MTA3: variants seen among roughly 807,000 people sequenced by gnomAD.
MTA3 encodes the protein metastasis associated 1 family member 3.
In MTA3, 34 loss-of-function variants were observed where a neutral mutation model predicts 83.5. That is an observed-to-expected ratio of 0.41 (90% CI 0.31 to 0.54). The LOEUF (loss-of-function observed/expected upper bound fraction) is 0.54, where lower values mean the gene tolerates loss of function less well. Ranked by LOEUF, MTA3 falls within the 20% of genes least tolerant of loss-of-function variation. The pLI, the probability that MTA3 is intolerant of heterozygous loss-of-function variation, is 0.33. For synonymous variants in MTA3, 303 were observed against 252.7 expected, an observed-to-expected ratio of 1.20 and a Z score of -1.89; for missense variants, 761 against 726.4, an observed-to-expected ratio of 1.05 and a Z score of -0.55.
chr2:42,662,546 T>C (rs999055447), intron 8 of MTA3, among the ~76,000 whole-genome samples: 4 of 151,802 alleles, frequency 2.6e-5, no homozygotes, highest in Non-Finnish European at 5.9e-5. Flanking sequence ...TTTAGGTTCC[T>C]AGATATACTT....
chr2:42,554,840 A>G (rs530952992), intron 2 of MTA3, among the ~76,000 whole-genome samples: 1 of 152,306 alleles, frequency 6.6e-6, no homozygotes, highest in Non-Finnish European at 1.5e-5. Context: ...AATCACTACC[A>G]GAGGATGGGT....
At chr2:42,500,645 C>T (rs1228544941) in intron 2 of MTA3, among the ~76,000 whole-genome samples, 1 of 151,976 alleles carries the variant, frequency 6.6e-6, no homozygotes, top group Non-Finnish European at 1.5e-5. Flanking sequence ...TTTTCCTCTA[C>T]CTTCCTAGGT....
At chr2:42,606,430 G>A (rs1271021270) in intron 3 of MTA3, among the ~76,000 whole-genome samples, 2 of 151,234 alleles carry the variant, frequency 1.3e-5, no homozygotes, top group Non-Finnish European at 3.0e-5. Context: ...CGGGGCGGCG[G>A]GGCAGAGGCG....
At chr2:42,684,341 A>G (rs1464317401) in intron 9 of MTA3, among the ~76,000 whole-genome samples, 2 of 152,220 alleles carry the variant, frequency 1.3e-5, no homozygotes, top group East Asian at 3.8e-4. Context: ...GAATTGTTTG[A>G]CACAAAGTTA....
At chr2:42,563,720 C>A (rs375701237), upstream of MTA3, among the ~76,000 whole-genome samples, 3 of 152,150 alleles carry the variant, frequency 2.0e-5, no homozygotes, top group Admixed American at 2.0e-4. Flanking sequence ...CCCACCTCGG[C>A]CTCCCAAAGT....
Position 42,643,620 on chromosome 2 carries a change from A to G in MTA3, c.382-507A>G, listed in dbSNP as rs531694368. 5.9e-5 allele frequency among the ~76,000 whole-genome samples: 9 copies of G among 152,360 alleles called. No individual in the cohort carries two copies. In the South Asian group the frequency reaches 1.9e-3, roughly 32 times the overall value. ...AATATTTACAAAGTGGTATTATTAT[A>G]ACAGTAAACCACATGTAAGTTCAAC... is the stretch of plus-strand genomic sequence containing the variant. On this transcript the variant is annotated intron_variant, in intron 5 of 16. Transcript: ENST00000405094.
intron 15 of MTA3, 50 bp downstream of exon 15, chr2:42,719,124 T>C (rs1667232005): frequency 7.3e-7 from 1 of 1,366,462 alleles, no homozygotes; most frequent in African/African-American, 1.4e-5. Context: ...TTCTGAATAG[T>C]ATAGATATTT....
chr2:42,567,571 C>A (rs1677973578), upstream of MTA3, among the ~76,000 whole-genome samples: 1 of 151,862 alleles, frequency 6.6e-6, no homozygotes, highest in African/African-American at 2.4e-5. Context: ...TCTGGGAGTA[C>A]TTTGGAATGG....
At chr2:42,577,105 A>AAAAAAATATATATATATATAT (rs1211189566) in intron 2 of MTA3, among the ~76,000 whole-genome samples, 1 of 86,952 alleles carries the variant, frequency 1.2e-5, no homozygotes, top group African/African-American at 5.5e-5. Context: ...AAAAAAAAAA[A>AAAAAAATATATATATATATAT]ATATATATAT....
rs72988008 is a variant in MTA3, at chr2:42,513,885, T to C, written c.-141+18631T>C. Among the ~76,000 whole-genome samples the C allele has an allele frequency of 3.6e-3, 554 of 152,292 alleles. 5 individuals are homozygous for C. Among genetic ancestry groups the C allele is most frequent in the African/African-American group, 0.013 (523 of 41,580 alleles). On this transcript the variant is annotated intron_variant, in intron 2 of 17. Coordinates refer to the MTA3 transcript ENST00000405592. ...TCCAGCAATGCTGGCCTCCCTCCACTACCTCAAATTGAGACAGACATGAGA... is the reference window on the plus strand; with the variant it reads ...TCCAGCAATGCTGGCCTCCCTCCACCACCTCAAATTGAGACAGACATGAGA...
chr2:42,726,258 G>A (rs1667808473), intron 16 of MTA3, among the ~76,000 whole-genome samples: 1 of 152,126 alleles, frequency 6.6e-6, no homozygotes, highest in Admixed American at 6.5e-5. Flanking sequence ...CTGCTGAGAT[G>A]TTTAGGCCTC....
At chr2:42,643,171 T>C (rs1224241861) in intron 5 of MTA3, among the ~76,000 whole-genome samples, 1 of 152,002 alleles carries the variant, frequency 6.6e-6, no homozygotes, top group Non-Finnish European at 1.5e-5. Flanking sequence ...CTTATCACAG[T>C]ATGTAAGAAC....
At chr2:42,545,049 G>A (rs1450014454) in intron 2 of MTA3, among the ~76,000 whole-genome samples, 1 of 152,156 alleles carries the variant, frequency 6.6e-6, no homozygotes, top group Non-Finnish European at 1.5e-5. Context: ...GGTGATGAGA[G>A]CTGCAGAAAA....
chr2:42,745,848 T>C (rs181115841), intron 16 of MTA3, among the ~76,000 whole-genome samples: 76 of 151,482 alleles, frequency 5.0e-4, no homozygotes, highest in African/African-American at 1.7e-3. Context: ...AGAGTCTCGC[T>C]CTGTCACCAG....
intron 4 of MTA3, among the ~76,000 whole-genome samples, chr2:42,620,119 CTT>C (rs765658192): frequency 1.4e-4 from 19 of 134,826 alleles, no homozygotes; most frequent in Admixed American, 2.3e-4. Flanking sequence ...CATCACACAT[CTT>C]TTTTTTTTTT....
Position 42,754,646 on chromosome 2 carries a change from G to T in MTA3, c.*1247G>T. 1 of 985,494 alleles carries T rather than the reference G, an allele frequency of 1.0e-6. No individual in the cohort carries two copies. The allele number at this position is 985,494 out of a possible 1,614,324, so 61.0% of individuals were successfully genotyped here. A position where few individuals can be genotyped will look rare whatever the true frequency, so the allele number is the denominator to read the frequency against. On this transcript the variant is annotated 3_prime_UTR_variant, in exon 17 of 17. Coordinates refer to ENST00000405094, the MANE Select transcript of MTA3 (RefSeq NM_001330442.2). ...CTCTGTTTGCAGGCACAGGGTCACA[G>T]TCCCAAGAAAGACAACTGGAGTCTG...
rs865995509 is a variant in MTA3, at chr2:42,722,518, C to T, written c.1613-371C>T. 2.0e-5 allele frequency among the ~76,000 whole-genome samples: 3 copies of T among 152,208 alleles called. No homozygotes were observed. The South Asian group carries it at 6.2e-4, about 32-fold the overall frequency. On this transcript the variant is annotated intron_variant, in intron 15 of 16. Transcript: ENST00000405094. The stretch of plus-strand genomic sequence containing the variant: ...TTGACAGAGCACAGAAGTGTTTTAC[C>T]CCCCTCACCCCAAGGCTACCTCTCC...
At chr2:42,631,021 G>C (rs1348944116) in intron 4 of MTA3, among the ~76,000 whole-genome samples, 1 of 152,178 alleles carries the variant, frequency 6.6e-6, no homozygotes, top group African/African-American at 2.4e-5. Context: ...GTTTGGCTGT[G>C]AATGTTAAAA....
At chr2:42,690,860 A>AT (rs764426695) in intron 9 of MTA3, among the ~76,000 whole-genome samples, 14 of 53,062 alleles carry the variant, frequency 2.6e-4, no homozygotes, top group African/African-American at 1.7e-3. Flanking sequence ...TTTTTATTTT[A>AT]TTTATTTATT....
Sources: allele counts gnomAD v4.1 joint callset (sites outside exome capture counted in the v4.1 genomes callset), GRCh38; gene constraint gnomAD v4.1.1; transcripts MANE v1.5; gene names NCBI Gene and HGNC (gene_info 2026-07-23, HGNC 2026-07-21).